PDE4B: variants seen among roughly 807,000 people sequenced by gnomAD.
PDE4B encodes the protein phosphodiesterase 4B, also known as 3',5'-cyclic-AMP phosphodiesterase 4B.
PDE4B carries 20 observed loss-of-function variants against 82.2 expected under a neutral mutation model. That is an observed-to-expected ratio of 0.24 (90% CI 0.17 to 0.35). The LOEUF is 0.35. Among genes scored for constraint, PDE4B ranks in the 10% least tolerant of loss-of-function variants. PDE4B has a pLI of 1.00. For missense variants in PDE4B, 655 were observed against 907.2 expected, an observed-to-expected ratio of 0.72 and a Z score of 3.57; for synonymous variants, 320 against 318.9, an observed-to-expected ratio of 1.00 and a Z score of -0.04.
intron 3 of PDE4B, among the ~76,000 whole-genome samples, chr1:66,072,332 A>G (rs1459898025): frequency 2.0e-5 from 3 of 152,118 alleles, no homozygotes; most frequent in Non-Finnish European, 4.4e-5. Context: ...CTGATTTCCA[A>G]AATCATTTGA....
chr1:66,117,765 A>G (rs1645626329), intron 3 of PDE4B, among the ~76,000 whole-genome samples: 2 of 152,310 alleles, frequency 1.3e-5, no homozygotes, highest in South Asian at 4.1e-4. Context: ...TGGTTCTGGT[A>G]CATTTTTCTT....
intron 1 of PDE4B, among the ~76,000 whole-genome samples, chr1:65,861,996 A>T (rs115143759): frequency 0.023 from 3,454 of 152,250 alleles, 100 homozygotes; most frequent in East Asian, 0.081. Flanking sequence ...ATCTGCAAAC[A>T]GAGACTGTTT....
chr1:65,800,226 C>G (rs1032772018), intron 1 of PDE4B, among the ~76,000 whole-genome samples: 1 of 152,122 alleles, frequency 6.6e-6, no homozygotes, highest in Non-Finnish European at 1.5e-5. Flanking sequence ...AGCAGACTGC[C>G]TATATATACT....
At chr1:65,897,271 A>G (rs1312487322) in intron 1 of PDE4B, among the ~76,000 whole-genome samples, 1 of 152,162 alleles carries the variant, frequency 6.6e-6, no homozygotes, top group Non-Finnish European at 1.5e-5. Flanking sequence ...ACACAGATAT[A>G]TAATGCATTG....
At chr1:66,368,763 A>C (rs750571438) in intron 15 of PDE4B, 24 bp from the exon 16 acceptor site, 1 of 1,488,944 alleles carries the variant, frequency 6.7e-7, no homozygotes, top group Admixed American at 2.1e-5. Context: ...ATTTTATGAG[A>C]TTTCCAAAAC....
rs774249302 is a variant in PDE4B at position 66,332,563 on chromosome 1, A to G, written c.690A>G (p.Leu230=). ...METLEELDWC[L]DQLETIQTYR... ...CGCTGGAGGAATTAGACTGGTGTTT[A>G]GACCAGCTAGAGACCATACAGACCT... The change falls in exon 8 of 17, where the codon TTA becomes TTG. Residue 230 remains leucine (L), a synonymous_variant. Coordinates refer to ENST00000341517, the MANE Select transcript of PDE4B (RefSeq NM_002600.4). 1.5e-5 allele frequency: 24 copies of G among 1,614,120 alleles called. No individual in the cohort carries two copies. In the South Asian group the frequency reaches 2.4e-4, roughly 16 times the overall value.
chr1:65,852,843 A>G (rs2100219524), intron 1 of PDE4B, among the ~76,000 whole-genome samples: 1 of 152,048 alleles, frequency 6.6e-6, no homozygotes, highest in African/African-American at 2.4e-5. Context: ...CATATACTTG[A>G]AGACAATTTG....
intron 3 of PDE4B, among the ~76,000 whole-genome samples, chr1:66,095,757 C>A (rs958514972): frequency 6.6e-6 from 1 of 151,854 alleles, no homozygotes; most frequent in Non-Finnish European, 1.5e-5. Flanking sequence ...GGATTTGTTT[C>A]TTGTTTGATT....
In PDE4B at chr1:66,261,352, C is replaced by T. The variant is rs118108239; in HGVS notation, c.584+3489C>T. ...AACATACAGAAAGCATACCCCCACC[C>T]GAACACACACACAGACACACACACA... On this transcript the variant is annotated intron_variant, in intron 6 of 16. Transcript: ENST00000341517. Among the ~76,000 whole-genome samples the T allele has an allele frequency of 1.7e-3, 266 of 152,242 alleles. 3 individuals are homozygous for T. In the East Asian group the frequency reaches 0.045, roughly 26 times the overall value.
In PDE4B at chr1:66,104,241, A is replaced by C. The variant is rs531478525; in HGVS notation, c.282-143219A>C. On this transcript the variant is annotated intron_variant, in intron 3 of 16. Transcript: ENST00000341517. ...ACTGAGAATGATGATTTCCAATTTC[A>C]TCCATGTCCCTGCAAAGGACATGAA... Among the ~76,000 whole-genome samples, 41 of 151,976 alleles carry C rather than the reference A, an allele frequency of 2.7e-4. 1 individual carries two copies. Among genetic ancestry groups the C allele is most frequent in the Non-Finnish European group, 1.3e-4 (9 of 68,008 alleles).
In PDE4B at chr1:66,140,312, G is replaced by A. The variant is rs538803808; in HGVS notation, c.282-107148G>A. Among the ~76,000 whole-genome samples, 136 of 152,252 alleles carry A rather than the reference G, an allele frequency of 8.9e-4. 1 individual carries two copies. Among genetic ancestry groups the A allele is most frequent in the African/African-American group, 3.2e-3 (131 of 41,546 alleles). On this transcript the variant is annotated intron_variant, in intron 3 of 16. Coordinates refer to ENST00000341517, the MANE Select transcript of PDE4B (RefSeq NM_002600.4). ...CGCCTCAGAGAGGGCCAGGAACCAG[G>A]AAAGGTCAGCAAAGCCTCTTGGATT...
At chr1:65,892,861 T>C (rs1332531837) in intron 1 of PDE4B, among the ~76,000 whole-genome samples, 1 of 152,142 alleles carries the variant, frequency 6.6e-6, no homozygotes, top group Non-Finnish European at 1.5e-5. Context: ...ATAAATTATC[T>C]ACATTTGCTA....
chr1:65,818,704 A>ATATATATATATATATATATAT (rs1553187330), intron 1 of PDE4B, among the ~76,000 whole-genome samples: 1 of 148,926 alleles, frequency 6.7e-6, no homozygotes, highest in African/African-American at 2.4e-5. Flanking sequence ...ATATATATAT[A>ATATATATATATATATATATAT]AAATAACAAA....
intron 1 of PDE4B, among the ~76,000 whole-genome samples, chr1:65,794,949 A>G (rs758901130): frequency 1.3e-5 from 2 of 152,210 alleles, no homozygotes; most frequent in Non-Finnish European, 2.9e-5. Context: ...TTTTGCAAAA[A>G]TGAATTGTCT....
chr1:66,007,303 G>A (rs2100727474), intron 3 of PDE4B, among the ~76,000 whole-genome samples: 1 of 152,212 alleles, frequency 6.6e-6, no homozygotes, highest in South Asian at 2.1e-4. Context: ...AATTAGCCAG[G>A]TGTGGTGGCA....
intron 1 of PDE4B, among the ~76,000 whole-genome samples, chr1:65,872,407 G>A (rs1167039508): frequency 6.6e-6 from 1 of 151,726 alleles, no homozygotes; most frequent in Non-Finnish European, 1.5e-5. Flanking sequence ...TTCTCGGTAG[G>A]GTCCATGTTT....
chr1:66,305,466 A>G (rs1226823557), intron 7 of PDE4B, among the ~76,000 whole-genome samples: 5 of 152,184 alleles, frequency 3.3e-5, no homozygotes, highest in Admixed American at 3.3e-4. Context: ...TGATTGTAGT[A>G]TAATAACTGA....
At chr1:66,270,231 C>T (rs763864205) in intron 7 of PDE4B, among the ~76,000 whole-genome samples, 3 of 152,160 alleles carry the variant, frequency 2.0e-5, no homozygotes, top group African/African-American at 7.2e-5. Context: ...TCAGAGAAAT[C>T]GTATGAGACA....
chr1:66,093,490 A>G (rs10158178), intron 3 of PDE4B, among the ~76,000 whole-genome samples: 63,410 of 151,658 alleles, frequency 0.42, 13,467 homozygotes, highest in African/African-American at 0.48. Flanking sequence ...TTTCAGTGTA[A>G]TACATTATAT....
Sources: gnomAD v4.1 joint callset for allele counts (sites outside exome capture counted in the v4.1 genomes callset) on GRCh38, gnomAD v4.1.1 for gene constraint, MANE v1.5 for transcripts, NCBI Gene and HGNC (gene_info 2026-07-23, HGNC 2026-07-21) for gene names.